Variants in ATM observed in about 807,000 individuals in gnomAD.
ATM encodes the protein ATM serine/threonine kinase.
Under a neutral mutation model 387.0 loss-of-function variants are expected in ATM, and 308 were observed. That is an observed-to-expected ratio of 0.80 (90% CI 0.73 to 0.87). The LOEUF (loss-of-function observed/expected upper bound fraction) is 0.87. Among genes scored for constraint, ATM ranks in the 40% least tolerant of loss-of-function variants. ATM has a pLI of 0.00. For missense variants in ATM, 3,312 were observed against 3,560.9 expected, an observed-to-expected ratio of 0.93 and a Z score of 1.78; for synonymous variants, 1,156 against 1,187.3, an observed-to-expected ratio of 0.97 and a Z score of 0.54.
chr11:108,259,688 T>A (rs774343097), intron 16 of ATM, among the ~76,000 whole-genome samples: 25 of 152,172 alleles, frequency 1.6e-4, no homozygotes, highest in Non-Finnish European at 2.5e-4. Context: ...TACCAAAATT[T>A]AAAATAATTA....
intron 16 of ATM, among the ~76,000 whole-genome samples, chr11:108,260,873 G>A (rs186546799): frequency 2.3e-3 from 354 of 152,350 alleles, no homozygotes; most frequent in Middle Eastern, 0.014. Context: ...CAAAGAAAGG[G>A]GGGACGGACG....
At chr11:108,327,979 C>T (rs1305803115) in intron 48 of ATM, among the ~76,000 whole-genome samples, 1 of 152,130 alleles carries the variant, frequency 6.6e-6, no homozygotes, top group East Asian at 1.9e-4. Flanking sequence ...ATCTCTTCTT[C>T]CTCCTTCCTA....
chr11:108,307,569 GTCAGTGAGT>G (rs2083786883), intron 37 of ATM, among the ~76,000 whole-genome samples: 1 of 152,148 alleles, frequency 6.6e-6, no homozygotes, highest in South Asian at 2.1e-4. Flanking sequence ...TCCCAGGCTA[GTCAGTGAGT>G]TCTGTGTGGT....
chr11:108,365,723 G>C lies in ATM; in HGVS notation c.*215G>C. The C allele has an allele frequency of 1.5e-6, 1 of 652,968 alleles. No homozygotes were observed. Among genetic ancestry groups the C allele is most frequent in the Admixed American group, 3.0e-5 (1 of 33,090 alleles). 40.4% of individuals were successfully genotyped at this position (652,968 alleles called of 1,614,324 possible). A position where few individuals can be genotyped will look rare whatever the true frequency, so the allele number is the denominator to read the frequency against. ...TCTGCTTTCACTCTTTAGAAATAAT[G>C]GTCATTCGGGCTGGGCGCAGCGGCT... On this transcript the variant is annotated 3_prime_UTR_variant, in exon 63 of 63. Transcript: ENST00000675843.
chr11:108,236,835 T>G (rs1243399563), intron 5 of ATM, among the ~76,000 whole-genome samples: 2 of 152,210 alleles, frequency 1.3e-5, no homozygotes, highest in Non-Finnish European at 2.9e-5. Flanking sequence ...GGTCAGAGAT[T>G]GAAATACTTC....
intron 16 of ATM, among the ~76,000 whole-genome samples, chr11:108,266,014 G>C (rs1459189836): frequency 6.6e-6 from 1 of 152,002 alleles, no homozygotes. Context: ...GGAGAAATAG[G>C]AATCCTTTTA....
chr11:108,339,415 ATATCT>A (rs2087238655), intron 56 of ATM, among the ~76,000 whole-genome samples: 1 of 152,074 alleles, frequency 6.6e-6, no homozygotes, highest in African/African-American at 2.4e-5. Flanking sequence ...AGAAGCCATA[ATATCT>A]TAAGACATTC....
chr11:108,328,572 C>T (rs1340012349), intron 48 of ATM, among the ~76,000 whole-genome samples: 2 of 152,128 alleles, frequency 1.3e-5, no homozygotes, highest in Non-Finnish European at 2.9e-5. Context: ...TTATAAAGTT[C>T]TCTGTTTTTG....
At chr11:108,345,068 A>G (rs2088145018) in intron 57 of ATM, among the ~76,000 whole-genome samples, 1 of 152,116 alleles carries the variant, frequency 6.6e-6, no homozygotes, top group African/African-American at 2.4e-5. Flanking sequence ...TGTTTGGGGC[A>G]GCTGGGTAGA....
intron 7 of ATM, among the ~76,000 whole-genome samples, 198 bp from the exon 8 acceptor site, chr11:108,246,766 T>C (rs2079866431): frequency 6.6e-6 from 1 of 152,152 alleles, no homozygotes; most frequent in Non-Finnish European, 1.5e-5. Flanking sequence ...AGAAACACAG[T>C]TATCTAAATG....
chr11:108,295,021 A>G lies in ATM; in HGVS notation c.4871A>G (p.His1624Arg), dbSNP rs56354559. The G allele has an allele frequency of 4.7e-5, 76 of 1,614,002 alleles. No individual in the cohort carries two copies. The African/African-American group carries it at 6.9e-4, about 15-fold the overall frequency. Residue 1624 changes from histidine to arginine, a missense_variant, in exon 32 of 63, where the codon CAT becomes CGT. His to Arg is a conservative substitution (Grantham distance 29). Coordinates refer to ENST00000675843, the MANE Select transcript of ATM (RefSeq NM_000051.4). ...GATCTTCGAAGACAACTGGAACTAC[A>G]TAAAGATCAGATGGTGGACATTATG... ...LKDLRRQLEL[H>R]KDQMVDIMRA...
intron 49 of ATM, among the ~76,000 whole-genome samples, chr11:108,329,674 G>A (rs1333343357): frequency 1.3e-5 from 2 of 152,200 alleles, no homozygotes; most frequent in Non-Finnish European, 2.9e-5. Context: ...GCCGCCCAAA[G>A]TGCTGGGATT....
intron 23 of ATM, among the ~76,000 whole-genome samples, chr11:108,280,778 G>C (rs542785810): frequency 2.0e-5 from 3 of 152,282 alleles, no homozygotes; most frequent in African/African-American, 7.2e-5. Context: ...TTAGTGGAAA[G>C]CTCACATTTG....
chr11:108,347,000 ATTTT>A (rs1162083248), intron 58 of ATM, among the ~76,000 whole-genome samples: 2 of 152,156 alleles, frequency 1.3e-5, no homozygotes, highest in African/African-American at 4.8e-5. Context: ...AGCCACAATA[ATTTT>A]TTAAGTACTA....
At chr11:108,361,484 C>T (rs1417145002) in intron 61 of ATM, among the ~76,000 whole-genome samples, 18 of 151,892 alleles carry the variant, frequency 1.2e-4, no homozygotes, top group Non-Finnish European at 1.5e-4. Flanking sequence ...GAGCCCGCAT[C>T]GGCAAGTCAA....
intron 8 of ATM, among the ~76,000 whole-genome samples, chr11:108,248,191 C>A (rs774651822): frequency 6.6e-6 from 1 of 152,146 alleles, no homozygotes; most frequent in East Asian, 1.9e-4. Flanking sequence ...ACTTACCCAT[C>A]CATCACCTGA....
At chr11:108,288,864 T>C in intron 27 of ATM, 113 bp from the exon 28 acceptor site, 2 of 1,244,456 alleles carry the variant, frequency 1.6e-6, no homozygotes, top group Admixed American at 1.9e-5. Flanking sequence ...AGTAGAAAAA[T>C]GGTTTTTGAA....
intron 22 of ATM, among the ~76,000 whole-genome samples, chr11:108,274,623 T>C (rs1006096463): frequency 2.0e-5 from 3 of 152,236 alleles, no homozygotes; most frequent in Non-Finnish European, 2.9e-5. Context: ...CATTTCATTA[T>C]TTACCTAGTA....
chr11:108,242,291 A>G (rs2079602385), intron 5 of ATM, among the ~76,000 whole-genome samples: 1 of 152,200 alleles, frequency 6.6e-6, no homozygotes, highest in Non-Finnish European at 1.5e-5. Flanking sequence ...AAGTCATCCA[A>G]TATAAAATAG....
Sources: allele counts gnomAD v4.1 joint callset (sites outside exome capture counted in the v4.1 genomes callset), GRCh38; gene constraint gnomAD v4.1.1; transcripts MANE v1.5; gene names NCBI Gene and HGNC (gene_info 2026-07-23, HGNC 2026-07-21).